The following ARHGEF39 variants were observed in gnomAD, a reference collection of about 807,000 sequenced individuals.
ARHGEF39 encodes the protein Rho guanine nucleotide exchange factor (GEF) 39.
ARHGEF39 carries 45 observed loss-of-function variants against 47.5 expected under a neutral mutation model. The ratio of observed to expected loss-of-function variants is 0.95; its 90% confidence interval spans 0.75 to 1.22. ARHGEF39 has a LOEUF of 1.22. ARHGEF39 is among the 50% of genes most tolerant of loss of function. ARHGEF39 has a pLI of 0.00. For synonymous variants in ARHGEF39, 164 were observed against 167.8 expected (o/e 0.98, Z 0.17); for missense variants, 411 against 425.3 (o/e 0.97, Z 0.30).
rs1336260137 is a variant in ARHGEF39 at position 35,664,008 on chromosome 9, T to C, written c.473A>G (p.Gln158Arg). ...CGGCTGGAATCAAGAGTTCACTCAC[T>C]GCTGGAGCCGTTGCAGAGGCAGAGG... ...LLPLPLQRLQ[Q>R]YENLVVALAE... Residue 158 changes from glutamine (Q) to arginine (R), a missense_variant and splice_region_variant, in exon 4 of 9, where the codon CAG becomes CGG. Physicochemically the swap from Gln to Arg is conservative, Grantham distance 43. Coordinates refer to ENST00000378387, the MANE Select transcript of ARHGEF39 (RefSeq NM_032818.3). The C allele has an allele frequency of 1.2e-6, 2 of 1,613,378 alleles. No homozygotes were observed. Among genetic ancestry groups the C allele is most frequent in the Non-Finnish European group, 1.7e-6 (2 of 1,179,378 alleles).
At position 35,664,893 on chromosome 9, in the gene ARHGEF39, A is replaced by G. The variant is rs200967985; in HGVS notation, c.139-43T>C. The stretch of plus-strand genomic sequence containing the variant: ...ATTGGTTCTTAGCCTAGAGGAAGAG[A>G]AGGCTAACGCCAAGCGCCCCCAGAA... On this transcript the variant is annotated intron_variant, in intron 1 of 8. Transcript: ENST00000378387. The G allele has an allele frequency of 8.4e-5, 133 of 1,589,942 alleles. No homozygotes were observed. The African/African-American group carries it at 1.6e-3, about 20-fold the overall frequency.
Position 35,663,372 on chromosome 9 carries a change from G to C in ARHGEF39, c.494C>G (p.Ala165Gly), listed in dbSNP as rs1187064506. Residue 165 changes from alanine to glycine, a missense_variant, in exon 5 of 9, where the codon GCT becomes GGT. Transcript: ENST00000378387. ...RLQQYENLVV[A>G]LAENTGPNSP... ...GTTGGGACCTGTGTTTTCAGCCAAA[G>C]CTACGACGAGATTCTCATACCTGGA... The C allele has an allele frequency of 1.2e-6, 2 of 1,613,846 alleles. No homozygotes were observed. Among genetic ancestry groups the C allele is most frequent in the Non-Finnish European group, 1.7e-6 (2 of 1,179,870 alleles).
At position 35,664,447 on chromosome 9, in the gene ARHGEF39, C is replaced by T; in HGVS notation, c.279G>A (p.Leu93=). Residue 93 remains leucine, a synonymous_variant, in exon 3 of 9, where the codon CTG becomes CTA. Coordinates refer to ENST00000378387, the MANE Select transcript of ARHGEF39 (RefSeq NM_032818.3). The stretch of plus-strand genomic sequence containing the variant: ...GCTCCAAGTGGCGGCAGAAGCCCTC[C>T]AGCCCTTGGCCCCAGCATCCTCCTT... ...YLEGGCWGQG[L]EGFCRHLELY... 1 of 1,609,256 alleles carries T rather than the reference C, an allele frequency of 6.2e-7. No individual in the cohort carries two copies. The highest frequency in any genetic ancestry group is 1.3e-5 in the African/African-American group (1 of 74,886).
rs774273358 is a variant in ARHGEF39 at position 35,662,956 on chromosome 9, CCCCTT to C, written c.658_662del (p.Lys220AlafsTer32). 13 of 1,605,970 alleles carry C rather than the reference CCCCTT, an allele frequency of 8.1e-6. No individual in the cohort carries two copies. Among genetic ancestry groups the C allele is most frequent in the Non-Finnish European group, 1.1e-5 (13 of 1,173,370 alleles). On this transcript the variant is annotated frameshift_variant, in exon 6 of 9. Transcript: ENST00000378387. LOFTEE classifies it high-confidence loss of function. ...AAGTAGGCAAGCTACCTGAGGTCAG[CCCCTT>C]TGCCTGGCGTCCACTGAGCAGAGCC...
In ARHGEF39 at chr9:35,662,980, C is replaced by T; in HGVS notation, c.639G>A (p.Leu213=). Residue 213 remains leucine (L), a synonymous_variant, in exon 6 of 9, where the codon CTG becomes CTA. Transcript: ENST00000378387. ...NDQHLRRVQA[L]LSGRQAKGLT... ...GCCCCTTTGCCTGGCGTCCACTGAG[C>T]AGAGCCTGGACACGCCGAAGGTGCT... 6.2e-7 allele frequency: 1 copy of T among 1,609,856 alleles called. No individual in the cohort carries two copies. The highest frequency in any genetic ancestry group is 8.5e-7 in the Non-Finnish European group (1 of 1,176,702).
intron 4 of ARHGEF39, among the ~76,000 whole-genome samples, chr9:35,663,687 T>G (rs1254158107): frequency 1.3e-5 from 2 of 152,118 alleles, no homozygotes; most frequent in African/African-American, 2.4e-5. Context: ...CTATAGCCCT[T>G]AACTCAGGCT....
Position 35,661,551 on chromosome 9 carries a change from G to A in ARHGEF39, c.*436C>T, listed in dbSNP as rs1189930797. Reference sequence around the variant, plus strand: ...AAGCTGCAGCCTTGATAAATGACGGGCCATGGACACAGCACAGAGCTTATC... The same window carrying A: ...AAGCTGCAGCCTTGATAAATGACGGACCATGGACACAGCACAGAGCTTATC... On this transcript the variant is annotated 3_prime_UTR_variant, in exon 9 of 9. Transcript: ENST00000378387. The A allele has an allele frequency of 1.8e-5, 8 of 443,834 alleles. No individual in the cohort carries two copies. The highest frequency in any genetic ancestry group is 3.8e-5 in the Admixed American group (1 of 26,174). 27.5% of individuals were successfully genotyped at this position (443,834 alleles called of 1,614,324 possible). A position where few individuals can be genotyped will look rare whatever the true frequency, so the allele number is the denominator to read the frequency against.
intron 3 of ARHGEF39, 38 bp from the exon 4 acceptor site, chr9:35,664,164 A>G (rs749003943): frequency 6.3e-7 from 1 of 1,588,266 alleles, no homozygotes; most frequent in South Asian, 1.1e-5. Context: ...CAGGGAGAGA[A>G]GCCACTCCTT....
At position 35,662,273 on chromosome 9, in the gene ARHGEF39, G is replaced by A. The variant is rs375320699; in HGVS notation, c.904-6C>T. On this transcript the variant is annotated splice_polypyrimidine_tract_variant and splice_region_variant and intron_variant, in intron 7 of 8. Transcript: ENST00000378387. Reference sequence around the variant, plus strand: ...TTCTCATGAGGGAAGGACAGCTAGAGAGAGACCACCTCTTAGCGCATGGCT... The same window carrying A: ...TTCTCATGAGGGAAGGACAGCTAGAAAGAGACCACCTCTTAGCGCATGGCT... 3 of 1,612,316 alleles carry A rather than the reference G, an allele frequency of 1.9e-6. No individual in the cohort carries two copies. Among genetic ancestry groups the A allele is most frequent in the African/African-American group, 1.3e-5 (1 of 74,900 alleles).
rs776302640 is a variant in ARHGEF39 at position 35,662,577 on chromosome 9, T to C, written c.838A>G (p.Met280Val). The C allele has an allele frequency of 9.9e-6, 16 of 1,613,912 alleles. No individual in the cohort carries two copies. Among genetic ancestry groups the C allele is most frequent in the South Asian group, 1.1e-5 (1 of 91,080 alleles). The change falls in exon 7 of 9, where the codon ATG (methionine) becomes GTG (valine). Residue 280 changes from methionine to valine, a missense_variant. By Grantham distance (21) the Met-to-Val change is conservative (BLOSUM62 1). Transcript: ENST00000378387. ...GTFACKALYP[M>V]AQCHLSRVFG... The stretch of plus-strand genomic sequence containing the variant: ...ACCCTGCTGAGATGACACTGGGCCA[T>C]GGGGTAGAGGGCCTTGCAGGCAAAG...
rs1563912726 is a variant in ARHGEF39, at chr9:35,660,896, C to T, written c.*1091G>A. The T allele has an allele frequency of 4.3e-6, 7 of 1,614,146 alleles. No individual in the cohort carries two copies. Among genetic ancestry groups the T allele is most frequent in the Non-Finnish European group, 5.1e-6 (6 of 1,180,034 alleles). Reference sequence around the variant, plus strand: ...GAGGCGAGTCTGCTGGAGGTGGAGACAAAGTCTCTGAAACTGGAACATTCC... The same window carrying T: ...GAGGCGAGTCTGCTGGAGGTGGAGATAAAGTCTCTGAAACTGGAACATTCC... On this transcript the variant is annotated 3_prime_UTR_variant, in exon 9 of 9. Coordinates refer to ENST00000378387, the MANE Select transcript of ARHGEF39 (RefSeq NM_032818.3).
At chr9:35,664,632 G>C (rs1824139931) in intron 2 of ARHGEF39, 124 bp downstream of exon 2, 2 of 1,470,022 alleles carry the variant, frequency 1.4e-6, no homozygotes, top group Admixed American at 5.0e-5. Context: ...AAGGCCCTGG[G>C]CCAAGGCCAC....
chr9:35,662,505 T>TA lies in ARHGEF39; in HGVS notation c.903+6dup. Reference sequence around the variant, plus strand: ...TTTTGGGTCTAGGGTTCCCACCTATTACTTACACTGAGCAACCCACCACAA... The same window carrying TA: ...TTTTGGGTCTAGGGTTCCCACCTATTAACTTACACTGAGCAACCCACCACAA... On this transcript the variant is annotated splice_region_variant and intron_variant, in intron 7 of 8. Transcript: ENST00000378387. 1 of 1,609,300 alleles carries TA rather than the reference T, an allele frequency of 6.2e-7. No individual in the cohort carries two copies. Among genetic ancestry groups the TA allele is most frequent in the Non-Finnish European group, 8.5e-7 (1 of 1,178,074 alleles).
Position 35,664,109 on chromosome 9 carries a change from A to G in ARHGEF39, c.372T>C (p.Asn124=), listed in dbSNP as rs1191640339. 6.8e-6 allele frequency: 11 copies of G among 1,613,840 alleles called. No individual in the cohort carries two copies. Among genetic ancestry groups the G allele is most frequent in the Non-Finnish European group, 9.3e-6 (11 of 1,179,940 alleles). Residue 124 remains asparagine, a synonymous_variant, in exon 4 of 9, where the codon AAT becomes AAC. Coordinates refer to ENST00000378387, the MANE Select transcript of ARHGEF39 (RefSeq NM_032818.3). ...GCCGTACAAACCTCCGGAAACCTTT[A>G]TTTTTCTTTAGCTGCTCCTGGAGTG... is the stretch of plus-strand genomic sequence containing the variant. The part of the protein sequence containing the change: ...QTTLQEQLKK[N]KGFRRFVRLQ...
At position 35,659,445 on chromosome 9, in the gene ARHGEF39, A is replaced by T. The variant is rs1041237476; in HGVS notation, c.*2542T>A. 1 of 152,232 alleles carries T rather than the reference A, an allele frequency of 6.6e-6. No individual in the cohort carries two copies. Among genetic ancestry groups the T allele is most frequent in the Non-Finnish European group, 1.5e-5 (1 of 68,044 alleles). The allele number at this position is 152,232 out of a possible 1,614,324, so 9.4% of individuals were successfully genotyped here. A position where few individuals can be genotyped will look rare whatever the true frequency, so the allele number is the denominator to read the frequency against. ...TCTGGGAGAAACATAATGTAGCAGGAGGTCTTATGAAAGAGAGTTAGGCAT... is the reference window on the plus strand; with the variant it reads ...TCTGGGAGAAACATAATGTAGCAGGTGGTCTTATGAAAGAGAGTTAGGCAT... On this transcript the variant is annotated 3_prime_UTR_variant, in exon 9 of 9. Transcript: ENST00000378387.
chr9:35,663,482 C>T, intron 4 of ARHGEF39, 90 bp from the exon 5 acceptor site: 2 of 1,115,514 alleles, frequency 1.8e-6, no homozygotes, highest in Non-Finnish European at 2.7e-6. Context: ...ACCCATACTT[C>T]AATTGAAGGC....
At position 35,662,627 on chromosome 9, in the gene ARHGEF39, G is replaced by A; in HGVS notation, c.788C>T (p.Pro263Leu). Residue 263 changes from proline (P) to leucine (L), a missense_variant, in exon 7 of 9, where the codon CCA becomes CTA. By Grantham distance (98) the Pro-to-Leu change is moderately conservative (BLOSUM62 -3). Transcript: ENST00000378387. Reference sequence around the variant, plus strand: ...GGTGCCACTCCGCAGCAGGTGCAGTGGAGGCCGAGGCTTGGCCATGAGGAG... The same window carrying A: ...GGTGCCACTCCGCAGCAGGTGCAGTAGAGGCCGAGGCTTGGCCATGAGGAG... ...DVLLMAKPRP[P>L]LHLLRSGTFA... The A allele has an allele frequency of 1.2e-6, 2 of 1,614,012 alleles. No homozygotes were observed. Among genetic ancestry groups the A allele is most frequent in the Non-Finnish European group, 1.7e-6 (2 of 1,179,962 alleles).
Position 35,662,633 on chromosome 9 carries a change from C to G in ARHGEF39, c.782G>C (p.Arg261Pro), listed in dbSNP as rs150480093. 4.3e-6 allele frequency: 7 copies of G among 1,613,662 alleles called. No individual in the cohort carries two copies. Among genetic ancestry groups the G allele is most frequent in the Non-Finnish European group, 5.9e-6 (7 of 1,179,838 alleles). Residue 261 changes from arginine to proline, a missense_variant, in exon 7 of 9, where the codon CGG becomes CCG. Transcript: ENST00000378387. ...FTDVLLMAKP[R>P]PPLHLLRSGT... ...ACTCCGCAGCAGGTGCAGTGGAGGC[C>G]GAGGCTTGGCCATGAGGAGCACATC...
intron 4 of ARHGEF39, among the ~76,000 whole-genome samples, chr9:35,663,735 G>A (rs879315192): frequency 7.2e-5 from 11 of 152,188 alleles, no homozygotes; most frequent in Non-Finnish European, 1.0e-4. Flanking sequence ...GGCCAGCCCC[G>A]CATCTGAAAC....
Sources: allele counts gnomAD v4.1 joint callset (sites outside exome capture counted in the v4.1 genomes callset), GRCh38; gene constraint gnomAD v4.1.1; transcripts MANE v1.5; gene names NCBI Gene and HGNC (gene_info 2026-07-23, HGNC 2026-07-21).